RIC1: variants seen among roughly 807,000 people sequenced by gnomAD.
The protein encoded by RIC1 is guanine nucleotide exchange factor subunit RIC1.
In RIC1, 88 loss-of-function variants were observed where a neutral mutation model predicts 169.0. That is an observed-to-expected ratio of 0.52 (90% CI 0.44 to 0.62). The LOEUF (loss-of-function observed/expected upper bound fraction) is 0.62, where lower values mean the gene tolerates loss of function less well. RIC1 is among the 20% of genes least tolerant of loss of function. The pLI is 0.00. For synonymous variants in RIC1, 790 were observed against 601.5 expected, an observed-to-expected ratio of 1.31 and a Z score of -4.59; for missense variants, 1,877 against 1,725.5, an observed-to-expected ratio of 1.09 and a Z score of -1.56.
rs1826014560 is a variant in RIC1 at position 5,756,352 on chromosome 9, T to C, written c.1833T>C (p.Ser611=). The C allele has an allele frequency of 1.3e-6, 2 of 1,501,534 alleles. No individual in the cohort carries two copies. Among genetic ancestry groups the C allele is most frequent in the Non-Finnish European group, 1.8e-6 (2 of 1,113,702 alleles). The allele number at this position is 1,501,534 out of a possible 1,614,324, so 93.0% of individuals were successfully genotyped here. A position where few individuals can be genotyped will look rare whatever the true frequency, so the allele number is the denominator to read the frequency against. Residue 611 remains serine (S), a synonymous_variant, in exon 16 of 26, where the codon AGT becomes AGC. Coordinates refer to ENST00000414202, the MANE Select transcript of RIC1 (RefSeq NM_020829.4). ...CAGACTGTTCAATATGCCTTTACAG[T>C]ATTGAAAGAAAATCTGATGGGTAAG... ...FRADCSICLY[S]IERKSDGPNT... is the part of the protein sequence containing the mutation.
intron 1 of RIC1, among the ~76,000 whole-genome samples, chr9:5,641,728 T>G (rs1393744602): frequency 8.4e-6 from 1 of 119,420 alleles, no homozygotes; most frequent in Non-Finnish European, 1.7e-5. Context: ...TTCTTCAGTT[T>G]GTTGGTTGCA....
At chr9:5,665,706 T>G (rs994891951) in intron 2 of RIC1, among the ~76,000 whole-genome samples, 4 of 152,202 alleles carry the variant, frequency 2.6e-5, no homozygotes, top group African/African-American at 9.7e-5. Context: ...TGCTGCCATT[T>G]GTGGGGGTCT....
rs111313855 is a variant in RIC1, at chr9:5,681,619, G to T, written c.253-8340G>T. ...TGTTGCTGAAAAGAATGTATATTCT[G>T]TTGATTTGGGGTGGAGAGTTCTGTA... On this transcript the variant is annotated intron_variant, in intron 2 of 25. Transcript: ENST00000414202. 7.2e-5 allele frequency among the ~76,000 whole-genome samples: 11 copies of T among 152,334 alleles called. No homozygotes were observed. In the East Asian group the frequency reaches 1.3e-3, roughly 19 times the overall value.
At position 5,739,274 on chromosome 9, in the gene RIC1, A is replaced by G. The variant is rs149081738; in HGVS notation, c.901+736A>G. ...CTCACAGTGGGCCATCTTTTAATCC[A>G]TATTTCAGCTAACCACGCAAATCAA... On this transcript the variant is annotated intron_variant, in intron 8 of 25. Coordinates refer to ENST00000414202, the MANE Select transcript of RIC1 (RefSeq NM_020829.4). 1.1e-4 allele frequency among the ~76,000 whole-genome samples: 17 copies of G among 152,212 alleles called. 1 individual carries two copies. Among genetic ancestry groups the G allele is most frequent in the African/African-American group, 3.9e-4 (16 of 41,530 alleles).
chr9:5,765,315 G>C lies in RIC1; in HGVS notation c.2842-99G>C, dbSNP rs551431310. On this transcript the variant is annotated intron_variant, in intron 19 of 25. Transcript: ENST00000414202. ...ATTAAACTAACCCCTGTGGTGGTGT[G>C]GCTACATTCTTTGAGTTTAGAAAAC... 2.3e-6 allele frequency: 3 copies of C among 1,282,896 alleles called. No homozygotes were observed. The African/African-American group carries it at 4.5e-5, about 19-fold the overall frequency. The allele number at this position is 1,282,896 out of a possible 1,614,324, so 79.5% of individuals were successfully genotyped here.
chr9:5,673,535 G>GATATATAT (rs59648906), intron 2 of RIC1, among the ~76,000 whole-genome samples: 1,890 of 119,252 alleles, frequency 0.016, 63 homozygotes, highest in Admixed American at 0.024. Context: ...AACATAAGGA[G>GATATATAT]ATATATATAT....
At chr9:5,697,608 A>G (rs1295030515) in intron 3 of RIC1, among the ~76,000 whole-genome samples, 2 of 152,222 alleles carry the variant, frequency 1.3e-5, no homozygotes, top group African/African-American at 2.4e-5. Context: ...CCAGTAAACA[A>G]TGATGAATGC....
chr9:5,652,554 G>T (rs1429655320), intron 1 of RIC1, among the ~76,000 whole-genome samples: 1 of 151,800 alleles, frequency 6.6e-6, no homozygotes, highest in Admixed American at 6.6e-5. Context: ...TATTGATTTT[G>T]TATTCTACAA....
chr9:5,668,480 C>A (rs1276310878), intron 2 of RIC1, among the ~76,000 whole-genome samples: 1 of 152,158 alleles, frequency 6.6e-6, no homozygotes, highest in Non-Finnish European at 1.5e-5. Flanking sequence ...ACATTTTCAA[C>A]CATTTCTCTT....
chr9:5,681,352 G>C (rs182319249), intron 2 of RIC1, among the ~76,000 whole-genome samples: 2 of 152,140 alleles, frequency 1.3e-5, no homozygotes, highest in African/African-American at 4.8e-5. Context: ...AGAGATTCTG[G>C]TTATGTTGTG....
At position 5,774,086 on chromosome 9, in the gene RIC1, G is replaced by GC; in HGVS notation, c.4117dup (p.Arg1373ProfsTer18). ...ATGGGTAAGACTCCAGAACAGACTA[G>GC]CCCCCGGGCAGAGGAGAGCAGGGGC... On this transcript the variant is annotated frameshift_variant, in exon 26 of 26. Transcript: ENST00000414202. LOFTEE classifies it high-confidence loss of function. 1 of 1,614,036 alleles carries GC rather than the reference G, an allele frequency of 6.2e-7. No homozygotes were observed.
intron 1 of RIC1, among the ~76,000 whole-genome samples, chr9:5,639,273 C>T (rs1818122836): frequency 6.6e-6 from 1 of 152,152 alleles, no homozygotes; most frequent in Non-Finnish European, 1.5e-5. Flanking sequence ...TTTGCTGTCT[C>T]CCATAACTTT....
chr9:5,749,191 T>C (rs967189426), intron 12 of RIC1, among the ~76,000 whole-genome samples: 2 of 152,322 alleles, frequency 1.3e-5, no homozygotes, highest in Middle Eastern at 3.4e-3. Context: ...AAAAATCTAA[T>C]GTATTTTAAA....
intron 3 of RIC1, among the ~76,000 whole-genome samples, chr9:5,706,939 A>G (rs1354269700): frequency 6.6e-6 from 1 of 152,114 alleles, no homozygotes; most frequent in Non-Finnish European, 1.5e-5. Context: ...TCTAATTTTT[A>G]TCACATCCAT....
intron 1 of RIC1, among the ~76,000 whole-genome samples, chr9:5,638,040 T>A (rs185678737): frequency 6.6e-6 from 1 of 152,322 alleles, no homozygotes; most frequent in East Asian, 1.9e-4. Flanking sequence ...CCAGTTTTTT[T>A]AGGGTTTTTA....
In RIC1 at chr9:5,774,145, G is replaced by A; in HGVS notation, c.4171G>A (p.Val1391Ile). ...CCATGGAAGCATCCCCCAGGGTGAAGTTGGAAGCAGCAATATGGTCAGCCG... is the reference window on the plus strand; with the variant it reads ...CCATGGAAGCATCCCCCAGGGTGAAATTGGAAGCAGCAATATGGTCAGCCG... Reference protein sequence around the residue: ...SSHGSIPQGEVGSSNMVSRKE... With the variant: ...SSHGSIPQGEIGSSNMVSRKE... Residue 1391 changes from valine (V) to isoleucine (I), a missense_variant, in exon 26 of 26, where the codon GTT becomes ATT. Transcript: ENST00000414202. 2 of 1,614,094 alleles carry A rather than the reference G, an allele frequency of 1.2e-6. No homozygotes were observed. The highest frequency in any genetic ancestry group is 2.2e-5 in the East Asian group (1 of 44,864).
rs1412919176 is a variant in RIC1 at position 5,725,459 on chromosome 9, T to G, written c.720+4709T>G. On this transcript the variant is annotated intron_variant, in intron 6 of 25. Coordinates refer to ENST00000414202, the MANE Select transcript of RIC1 (RefSeq NM_020829.4). ...TGATTCTTCTCTCTTTACTTCTTCA[T>G]TAGTCTTGCTAGTGGTCTATCAATT... Among the ~76,000 whole-genome samples, 6 of 152,346 alleles carry G rather than the reference T, an allele frequency of 3.9e-5. No individual in the cohort carries two copies. In the East Asian group the frequency reaches 7.7e-4, roughly 20 times the overall value.
chr9:5,691,052 G>A (rs1021879287), intron 3 of RIC1, among the ~76,000 whole-genome samples: 1 of 151,888 alleles, frequency 6.6e-6, no homozygotes, highest in Non-Finnish European at 1.5e-5. Flanking sequence ...AAGTTGTGTT[G>A]CACACTTCTG....
intron 4 of RIC1, 116 bp downstream of exon 4, chr9:5,714,119 A>C: frequency 1.7e-6 from 1 of 592,976 alleles, no homozygotes; most frequent in Non-Finnish European, 2.9e-6. Context: ...ATAACTTCTT[A>C]GTTCTGGAAA....
Sources: allele counts gnomAD v4.1 joint callset (sites outside exome capture counted in the v4.1 genomes callset), GRCh38; gene constraint gnomAD v4.1.1; transcripts MANE v1.5; gene names NCBI Gene and HGNC (gene_info 2026-07-23, HGNC 2026-07-21).